CANX: variants seen among roughly 807,000 people sequenced by gnomAD.
The protein encoded by CANX is calnexin, also known as epididymis secretory sperm binding protein.
A neutral mutation model predicts 75.7 loss-of-function variants in CANX; 14 were observed. The observed-to-expected ratio is 0.19, with a 90% CI of 0.12 to 0.29. The LOEUF is 0.29. CANX is among the 10% of genes least tolerant of loss of function. CANX has a pLI of 1.00. For missense variants in CANX, 567 were observed against 713.2 expected, an observed-to-expected ratio of 0.79 and a Z score of 2.34; for synonymous variants, 227 against 236.9, an observed-to-expected ratio of 0.96 and a Z score of 0.38.
intron 1 of CANX, chr5:179,699,454 G>A (rs1350285271): frequency 6.6e-6 from 1 of 152,340 alleles, no homozygotes; most frequent in African/African-American, 2.4e-5. Context: ...TGGAGTAACT[G>A]GGTAAAAGTA....
rs574745346 is a variant in CANX at position 179,713,461 on chromosome 5, C to T, written c.722-2644C>T. ...GTAAGCAAAAAGAAAACACTTAAAG[C>T]GAGGGAGAGGGGTTGAAGACAAGTT... On this transcript the variant is annotated intron_variant, in intron 7 of 14. Coordinates refer to ENST00000247461, the MANE Select transcript of CANX (RefSeq NM_001746.4). 5.3e-5 allele frequency among the ~76,000 whole-genome samples: 8 copies of T among 151,912 alleles called. No individual in the cohort carries two copies. The South Asian group carries it at 6.3e-4, about 12-fold the overall frequency.
In CANX at chr5:179,710,707, C is replaced by CAAAAAAAAAAAAAAAAAAAAAAA. The variant is rs71591440; in HGVS notation, c.721+658_721+659insAAAAAAAAAAAAAAAAAAAAAAA. On this transcript the variant is annotated intron_variant, in intron 7 of 14. Coordinates refer to ENST00000247461, the MANE Select transcript of CANX (RefSeq NM_001746.4). ...TAGGAGACAGAGCAAGACTCCATCT[C>CAAAAAAAAAAAAAAAAAAAAAAA]AAAAAAAAAAAAAAAAGATTGTATA... Among the ~76,000 whole-genome samples, 18 of 27,356 alleles carry CAAAAAAAAAAAAAAAAAAAAAAA rather than the reference C, an allele frequency of 6.6e-4. 2 individuals are homozygous for CAAAAAAAAAAAAAAAAAAAAAAA. The highest frequency in any genetic ancestry group is 1.3e-3 in the East Asian group (1 of 752). 17.9% of individuals were successfully genotyped at this position (27,356 alleles called of 152,430 possible).
chr5:179,683,370 T>C (rs1776119442), intron 1 of CANX, among the ~76,000 whole-genome samples: 2 of 151,990 alleles, frequency 1.3e-5, no homozygotes, highest in African/African-American at 4.8e-5. Flanking sequence ...CCTGACCTTG[T>C]GATCCGCCCA....
chr5:179,692,923 G>C (rs909352297), intron 1 of CANX, among the ~76,000 whole-genome samples: 1 of 151,984 alleles, frequency 6.6e-6, no homozygotes, highest in African/African-American at 2.4e-5. Context: ...AAGGCGGGTG[G>C]ATCACGAGGT....
rs1381496517 is a variant in CANX at position 179,730,219 on chromosome 5, TATATTGGGAAG to T, written c.*1587_*1597del. On this transcript the variant is annotated 3_prime_UTR_variant, in exon 15 of 15. Transcript: ENST00000247461. The stretch of plus-strand genomic sequence containing the variant: ...GAATATATAAACACTCCACAGTGTT[TATATTGGGAAG>T]ATATTGGGAAGGAAATATATTTGTA... 1.3e-5 allele frequency: 2 copies of T among 152,660 alleles called. No homozygotes were observed. The highest frequency in any genetic ancestry group is 2.9e-5 in the Non-Finnish European group (2 of 68,042). 9.5% of individuals were successfully genotyped at this position (152,660 alleles called of 1,614,324 possible). A position where few individuals can be genotyped will look rare whatever the true frequency, so the allele number is the denominator to read the frequency against.
intron 1 of CANX, among the ~76,000 whole-genome samples, chr5:179,687,887 T>TA (rs1321226954): frequency 1.3e-5 from 2 of 151,338 alleles, no homozygotes; most frequent in Non-Finnish European, 2.9e-5. Flanking sequence ...TACAAAAAAT[T>TA]AGCTGGGTGT....
At chr5:179,695,807 C>T (rs1269884454), upstream of CANX, among the ~76,000 whole-genome samples, 3 of 150,896 alleles carry the variant, frequency 2.0e-5, no homozygotes, top group African/African-American at 4.9e-5. Context: ...CCCGCCACTG[C>T]GCCCGGCTAA....
chr5:179,720,817 T>A (rs1043495700), intron 10 of CANX, among the ~76,000 whole-genome samples: 6 of 152,096 alleles, frequency 3.9e-5, no homozygotes, highest in African/African-American at 9.7e-5. Flanking sequence ...GGAGTTTCGC[T>A]CTTCTACCCA....
intron 9 of CANX, among the ~76,000 whole-genome samples, chr5:179,720,170 A>C (rs1156899273): frequency 6.6e-6 from 1 of 152,198 alleles, no homozygotes; most frequent in African/African-American, 2.4e-5. Context: ...TTAATACTTA[A>C]ATATAGCCAA....
rs374190394 is a variant in CANX, at chr5:179,723,714, G to A, written c.1453G>A (p.Val485Ile). 5 of 1,613,530 alleles carry A rather than the reference G, an allele frequency of 3.1e-6. No homozygotes were observed. Among genetic ancestry groups the A allele is most frequent in the Admixed American group, 1.7e-5 (1 of 59,986 alleles). The part of the protein sequence containing the change: ...EAAEERPWLW[V>I]VYILTVALPV... ...AGCTGAAGAGCGCCCGTGGCTGTGG[G>A]TAGTCTATATTCTAACTGTAGCCCT... The change falls in exon 12 of 15, where the codon GTA becomes ATA. Residue 485 changes from valine to isoleucine, a missense_variant. Val to Ile is a conservative substitution (Grantham distance 29). Coordinates refer to ENST00000247461, the MANE Select transcript of CANX (RefSeq NM_001746.4).
intron 1 of CANX, among the ~76,000 whole-genome samples, chr5:179,681,435 G>A (rs1776061391): frequency 6.6e-6 from 1 of 152,204 alleles, no homozygotes; most frequent in African/African-American, 2.4e-5. Context: ...GCTCTCAGGA[G>A]AAGGGGGTGA....
rs373402263 is a variant in CANX, at chr5:179,722,976, A to G, written c.1355A>G (p.Asn452Ser). 30 of 1,614,032 alleles carry G rather than the reference A, an allele frequency of 1.9e-5. No homozygotes were observed. The highest frequency in any genetic ancestry group is 8.0e-5 in the African/African-American group (6 of 74,914). Residue 452 changes from asparagine (N) to serine (S), a missense_variant, in exon 11 of 15, where the codon AAT becomes AGT. Asn to Ser is a conservative substitution (Grantham distance 46). Transcript: ENST00000247461. ...ADRRIVDDWA[N>S]DGWGLKKAAD... ...CGAAGAATAGTTGATGATTGGGCCA[A>G]TGATGGATGGGGCCTGAAGAAAGCT...
intron 1 of CANX, among the ~76,000 whole-genome samples, chr5:179,690,573 T>A (rs1171881260): frequency 5.9e-5 from 3 of 50,996 alleles, no homozygotes; most frequent in Admixed American, 3.0e-4. Flanking sequence ...TGAGACTTCA[T>A]CTCAAAAAAA....
chr5:179,692,401 G>A (rs1304742221), intron 1 of CANX, among the ~76,000 whole-genome samples: 1 of 151,996 alleles, frequency 6.6e-6, no homozygotes, highest in Non-Finnish European at 1.5e-5. Flanking sequence ...ACCAAAAAGA[G>A]CCCCCGGTTT....
chr5:179,680,981 G>T, intron 1 of CANX: 1 of 1,413,686 alleles, frequency 7.1e-7, no homozygotes, highest in Non-Finnish European at 9.6e-7. Context: ...CTCACTGTAT[G>T]TTGTGCCTCA....
upstream of CANX, chr5:179,694,181 G>A (rs1776350688): frequency 3.8e-6 from 1 of 265,526 alleles, no homozygotes; most frequent in Non-Finnish European, 7.4e-6. Context: ...GAATGAGAGC[G>A]AACAATACAG....
At chr5:179,694,358 G>A (rs56110029), upstream of CANX, 8 of 580,158 alleles carry the variant, frequency 1.4e-5, no homozygotes, top group Admixed American at 1.9e-4. Context: ...GGAAAGAGAA[G>A]TCTAAATTTG....
intron 1 of CANX, among the ~76,000 whole-genome samples, chr5:179,683,152 G>A (rs1376339691): frequency 4.0e-5 from 5 of 125,992 alleles, no homozygotes; most frequent in South Asian, 3.1e-4. Flanking sequence ...TTTTTGAGAC[G>A]GAGTCTCGCT....
In CANX at chr5:179,698,981, C is replaced by G; in HGVS notation, c.-125C>G. The G allele has an allele frequency of 3.6e-6, 4 of 1,125,912 alleles. No homozygotes were observed. Among genetic ancestry groups the G allele is most frequent in the South Asian group, 1.8e-5 (1 of 55,262 alleles). The allele number at this position is 1,125,912 out of a possible 1,614,324, so 69.7% of individuals were successfully genotyped here. ...GCTCGCGCGGCAGCGGTGGCCGAGGCCTCTTGGTTCTGCGGCACGTGACGG... is the reference window on the plus strand; with the variant it reads ...GCTCGCGCGGCAGCGGTGGCCGAGGGCTCTTGGTTCTGCGGCACGTGACGG... On this transcript the variant is annotated 5_prime_UTR_variant, in exon 1 of 15. Coordinates refer to ENST00000247461, the MANE Select transcript of CANX (RefSeq NM_001746.4).
Sources: allele counts gnomAD v4.1 joint callset (sites outside exome capture counted in the v4.1 genomes callset), GRCh38; gene constraint gnomAD v4.1.1; transcripts MANE v1.5; gene names NCBI Gene and HGNC (gene_info 2026-07-23, HGNC 2026-07-21).